Variants in MYO10 observed in about 807,000 individuals in gnomAD.
MYO10 encodes the protein myosin X, also known as unconventional myosin-X.
MYO10 carries 133 observed loss-of-function variants against 257.3 expected under a neutral mutation model. That is an observed-to-expected ratio of 0.52 (90% CI 0.45 to 0.60). The LOEUF (loss-of-function observed/expected upper bound fraction) is 0.60, where lower values mean the gene tolerates loss of function less well. MYO10 is among the 20% of genes least tolerant of loss of function. MYO10 has a pLI of 0.00. For synonymous variants in MYO10, 1,104 were observed against 1,028.6 expected (o/e 1.07, Z -1.40); for missense variants, 2,399 against 2,635.7 (o/e 0.91, Z 1.97).
intron 25 of MYO10, among the ~76,000 whole-genome samples, chr5:16,700,142 A>G (rs1340267705): frequency 6.6e-6 from 1 of 152,194 alleles, no homozygotes; most frequent in Non-Finnish European, 1.5e-5. Context: ...AGAAACTGGA[A>G]AAGAGTACAT....
At chr5:16,727,491 G>A (rs889415126) in intron 19 of MYO10, among the ~76,000 whole-genome samples, 2 of 152,084 alleles carry the variant, frequency 1.3e-5, no homozygotes, top group Non-Finnish European at 2.9e-5. Flanking sequence ...AAAAAACAAT[G>A]CTCATGCAAA....
At chr5:16,784,113 G>C (rs1480407861) in intron 4 of MYO10, among the ~76,000 whole-genome samples, 2 of 152,218 alleles carry the variant, frequency 1.3e-5, no homozygotes. Context: ...AGAGGGAAGG[G>C]AGGCAAAGGA....
chr5:16,666,895 T>C, intron 40 of MYO10, 102 bp from the exon 41 acceptor site: 1 of 829,748 alleles, frequency 1.2e-6, no homozygotes, highest in Admixed American at 2.5e-5. Flanking sequence ...TCCCGTAGCC[T>C]TCCATGCTAA....
chr5:16,827,116 A>C (rs2126714262), intron 2 of MYO10, among the ~76,000 whole-genome samples: 1 of 152,296 alleles, frequency 6.6e-6, no homozygotes, highest in South Asian at 2.1e-4. Context: ...TTTGGGGGCA[A>C]GAAAACGTCA....
At chr5:16,716,834 AT>A (rs960702102) in intron 19 of MYO10, among the ~76,000 whole-genome samples, 1 of 151,646 alleles carries the variant, frequency 6.6e-6, no homozygotes, top group East Asian at 2.0e-4. Flanking sequence ...CAAACCGGTT[AT>A]TTTTTTTATT....
chr5:16,906,763 T>C (rs1003889770), intron 1 of MYO10, among the ~76,000 whole-genome samples: 1 of 152,166 alleles, frequency 6.6e-6, no homozygotes, highest in Non-Finnish European at 1.5e-5. Flanking sequence ...TCTGCAGTAA[T>C]GTCTCCTGAC....
chr5:16,726,658 A>G (rs1739377860), intron 19 of MYO10, among the ~76,000 whole-genome samples: 1 of 152,182 alleles, frequency 6.6e-6, no homozygotes, highest in South Asian at 2.1e-4. Flanking sequence ...TGTAGTTCCA[A>G]CGTATTCATT....
intron 35 of MYO10, among the ~76,000 whole-genome samples, chr5:16,674,337 C>T (rs1241153564): frequency 2.0e-5 from 3 of 151,918 alleles, no homozygotes; most frequent in Non-Finnish European, 2.9e-5. Context: ...GGCGTTGTGG[C>T]GGGCGCCTGT....
At chr5:16,844,765 T>C (rs1743578468) in intron 2 of MYO10, among the ~76,000 whole-genome samples, 1 of 147,332 alleles carries the variant, frequency 6.8e-6, no homozygotes, top group African/African-American at 2.5e-5. Context: ...GACTAGATTA[T>C]GCTCAATCAA....
chr5:16,777,031 TATTC>T (rs1416946704), intron 9 of MYO10, among the ~76,000 whole-genome samples: 2 of 152,200 alleles, frequency 1.3e-5, no homozygotes, highest in African/African-American at 4.8e-5. Flanking sequence ...AATGAGAATT[TATTC>T]TAACACATCA....
intron 2 of MYO10, among the ~76,000 whole-genome samples, chr5:16,822,012 G>A (rs1054444449): frequency 1.3e-5 from 2 of 151,692 alleles, no homozygotes; most frequent in Non-Finnish European, 2.9e-5. Flanking sequence ...AGAGAAAAAT[G>A]TATTTGTGGA....
intron 4 of MYO10, among the ~76,000 whole-genome samples, chr5:16,791,082 G>A (rs1741737799): frequency 6.6e-6 from 1 of 152,132 alleles, no homozygotes; most frequent in South Asian, 2.1e-4. Context: ...TTGCCACCAA[G>A]TAGCAGAGGA....
intron 19 of MYO10, among the ~76,000 whole-genome samples, chr5:16,751,628 C>T (rs1412336052): frequency 2.6e-5 from 4 of 151,638 alleles, no homozygotes; most frequent in South Asian, 2.1e-4. Flanking sequence ...ATTACAGGCA[C>T]GCGCCACCAA....
In MYO10 at chr5:16,681,461, G is replaced by T; in HGVS notation, c.4232C>A (p.Ser1411Ter). Residue 1411 changes from serine to a stop codon, truncating the protein, a stop_gained, in exon 32 of 41, where the codon TCA (serine) becomes TAA (stop). Coordinates refer to ENST00000513610, the MANE Select transcript of MYO10 (RefSeq NM_012334.3). LOFTEE classifies it high-confidence loss of function. ...AAACCACCGTTTCTTCAGTTTCAGTGAAGACATCTTTGGACTGTTCTTCAC... is the reference window on the plus strand; with the variant it reads ...AAACCACCGTTTCTTCAGTTTCAGTTAAGACATCTTTGGACTGTTCTTCAC... ...KEVKNSPKMSSLKLKKRWFVL... is the reference protein window; with the variant it reads ...KEVKNSPKMS 6.2e-7 allele frequency: 1 copy of T among 1,613,830 alleles called. No homozygotes were observed. The highest frequency in any genetic ancestry group is 8.5e-7 in the Non-Finnish European group (1 of 1,179,842).
At chr5:16,696,692 C>G (rs1007145447) in intron 26 of MYO10, among the ~76,000 whole-genome samples, 1 of 134,758 alleles carries the variant, frequency 7.4e-6, no homozygotes, top group Non-Finnish European at 1.6e-5. Flanking sequence ...CCCGTCTCTA[C>G]TCAAAATACA....
chr5:16,852,496 C>CTT (rs956988751), intron 2 of MYO10, among the ~76,000 whole-genome samples: 1 of 151,726 alleles, frequency 6.6e-6, no homozygotes, highest in African/African-American at 2.4e-5. Flanking sequence ...TTGCCTCTGG[C>CTT]TTTTAGACAC....
chr5:16,927,802 C>A (rs1746177603), intron 1 of MYO10, among the ~76,000 whole-genome samples: 1 of 152,172 alleles, frequency 6.6e-6, no homozygotes, highest in South Asian at 2.1e-4. Flanking sequence ...ACTCTAATGT[C>A]TTTTCCTGTA....
At chr5:16,845,213 TA>T (rs1743599729) in intron 2 of MYO10, among the ~76,000 whole-genome samples, 1 of 152,102 alleles carries the variant, frequency 6.6e-6, no homozygotes, top group Admixed American at 6.5e-5. Flanking sequence ...ACTGCTGAAT[TA>T]TCTGTAGCAG....
At chr5:16,903,361 A>G (rs1263247798) in intron 1 of MYO10, among the ~76,000 whole-genome samples, 1 of 152,190 alleles carries the variant, frequency 6.6e-6, no homozygotes, top group African/African-American at 2.4e-5. Flanking sequence ...GCGAGCTGAG[A>G]TCGTGCCATT....
Sources: gnomAD v4.1 joint callset for allele counts (sites outside exome capture counted in the v4.1 genomes callset) on GRCh38, gnomAD v4.1.1 for gene constraint, MANE v1.5 for transcripts, NCBI Gene and HGNC (gene_info 2026-07-23, HGNC 2026-07-21) for gene names.